KIF26B: variants seen among roughly 807,000 people sequenced by gnomAD.
KIF26B encodes kinesin-like protein KIF26B.
Under a neutral mutation model 151.2 loss-of-function variants are expected in KIF26B, and 63 were observed. The ratio of observed to expected loss-of-function variants is 0.42; its 90% CI spans 0.34 to 0.51. The LOEUF (loss-of-function observed/expected upper bound fraction) is 0.51, where lower values mean the gene tolerates loss of function less well. Among genes scored for constraint, KIF26B ranks in the 20% least tolerant of loss-of-function variants. The pLI, the probability that KIF26B is intolerant of heterozygous loss-of-function variation, is 0.07. For missense variants in KIF26B, 2,813 were observed against 2,913.6 expected (o/e 0.97, Z 0.79); for synonymous variants, 1,357 against 1,262.1 (o/e 1.08, Z -1.59).
intron 5 of KIF26B, among the ~76,000 whole-genome samples, chr1:245,561,757 A>G (rs1007036654): frequency 6.6e-6 from 1 of 152,226 alleles, no homozygotes; most frequent in African/African-American, 2.4e-5. Context: ...GCATCTCTGC[A>G]TGCTTCCTCT....
At chr1:245,178,828 C>G (rs552502134) in intron 2 of KIF26B, among the ~76,000 whole-genome samples, 2 of 152,320 alleles carry the variant, frequency 1.3e-5, no homozygotes, top group East Asian at 3.9e-4. Flanking sequence ...CATGCAGTGT[C>G]TGAGTGGAGG....
chr1:245,309,318 CT>C (rs1436866148), intron 2 of KIF26B, among the ~76,000 whole-genome samples: 3 of 152,210 alleles, frequency 2.0e-5, no homozygotes, highest in African/African-American at 7.2e-5. Flanking sequence ...ATAGCCCTCA[CT>C]GGTGCAGGTG....
At chr1:245,332,651 G>C (rs891661520) in intron 2 of KIF26B, among the ~76,000 whole-genome samples, 1 of 152,136 alleles carries the variant, frequency 6.6e-6, no homozygotes, top group African/African-American at 2.4e-5. Flanking sequence ...CCACAGCCCT[G>C]CTGGTTTTCA....
At chr1:245,496,575 A>G (rs544296777) in intron 4 of KIF26B, among the ~76,000 whole-genome samples, 2 of 152,252 alleles carry the variant, frequency 1.3e-5, no homozygotes, top group African/African-American at 2.4e-5. Context: ...ATAAAAGGGA[A>G]AATAGAATGA....
rs1035914032 is a variant in KIF26B, at chr1:245,708,822, T to G, written c.*6216T>G. On this transcript the variant is annotated 3_prime_UTR_variant, in exon 15 of 15. Coordinates refer to ENST00000407071, the MANE Select transcript of KIF26B (RefSeq NM_018012.4). Reference sequence around the variant, plus strand: ...CTCTAATTCCATGATTAGTAATGTATGTATGTGTATATAAATATGCTTATC... The same window carrying G: ...CTCTAATTCCATGATTAGTAATGTAGGTATGTGTATATAAATATGCTTATC... The G allele has an allele frequency of 7.2e-5, 11 of 152,222 alleles. No individual in the cohort carries two copies. Among genetic ancestry groups the G allele is most frequent in the Admixed American group, 3.9e-4 (6 of 15,288 alleles). The allele number at this position is 152,222 out of a possible 1,614,324, so 9.4% of individuals were successfully genotyped here.
chr1:245,451,740 C>T (rs997599651), intron 4 of KIF26B, among the ~76,000 whole-genome samples: 12 of 151,802 alleles, frequency 7.9e-5, no homozygotes, highest in Non-Finnish European at 1.2e-4. Flanking sequence ...GCTGGGATTA[C>T]AGGCACCCGC....
chr1:245,289,649 C>T lies in KIF26B; in HGVS notation c.466-77185C>T, dbSNP rs148094119. On this transcript the variant is annotated intron_variant, in intron 2 of 14. Transcript: ENST00000407071. ...CTTTCTCATCCATCTGAATTTCTTT[C>T]CTTTTTTGGGGGTGGAGGTGTGTTC... Among the ~76,000 whole-genome samples, 911 of 151,844 alleles carry T rather than the reference C, an allele frequency of 6.0e-3. 11 individuals are homozygous for T. The highest frequency in any genetic ancestry group is 0.021 in the African/African-American group (851 of 41,358).
intron 2 of KIF26B, among the ~76,000 whole-genome samples, chr1:245,159,149 G>C (rs78032262): frequency 0.016 from 2,486 of 152,276 alleles, 64 homozygotes; most frequent in African/African-American, 0.056. Flanking sequence ...TGAAGAGTAA[G>C]AGTCTGGAAG....
At chr1:245,528,776 T>C (rs995738167) in intron 4 of KIF26B, among the ~76,000 whole-genome samples, 1 of 152,206 alleles carries the variant, frequency 6.6e-6, no homozygotes, top group Non-Finnish European at 1.5e-5. Flanking sequence ...ATATGAATGG[T>C]TGCTGTGGCT....
chr1:245,567,928 A>G (rs1028551455), intron 5 of KIF26B, among the ~76,000 whole-genome samples: 2 of 152,102 alleles, frequency 1.3e-5, no homozygotes, highest in Non-Finnish European at 2.9e-5. Flanking sequence ...TCACACCTGT[A>G]ATCCCAGCAC....
chr1:245,695,610 C>T (rs1277534814), intron 12 of KIF26B, among the ~76,000 whole-genome samples: 1 of 152,208 alleles, frequency 6.6e-6, no homozygotes, highest in Admixed American at 6.5e-5. Context: ...ACTCACTTCA[C>T]CTTGAGAGGG....
At chr1:245,546,475 T>C (rs1314586289) in intron 5 of KIF26B, among the ~76,000 whole-genome samples, 1 of 152,204 alleles carries the variant, frequency 6.6e-6, no homozygotes, top group African/African-American at 2.4e-5. Context: ...CCCACCAAGG[T>C]GCAGTTTATT....
chr1:245,571,278 C>T (rs2043064271), intron 5 of KIF26B, among the ~76,000 whole-genome samples: 1 of 152,142 alleles, frequency 6.6e-6, no homozygotes, highest in South Asian at 2.1e-4. Flanking sequence ...ACCGGGGCTC[C>T]CCTCCCAAGC....
chr1:245,301,189 T>C (rs549579151), intron 2 of KIF26B, among the ~76,000 whole-genome samples: 1 of 152,306 alleles, frequency 6.6e-6, no homozygotes, highest in African/African-American at 2.4e-5. Context: ...GGCTCTACTG[T>C]GGTTTCCCTG....
chr1:245,177,934 A>G (rs1002899144), intron 2 of KIF26B, among the ~76,000 whole-genome samples: 14 of 152,202 alleles, frequency 9.2e-5, no homozygotes, highest in African/African-American at 3.4e-4. Context: ...AAAAGGTTAC[A>G]TGAAGATTTG....
chr1:245,400,726 T>G (rs1673978926), intron 3 of KIF26B, among the ~76,000 whole-genome samples: 1 of 152,196 alleles, frequency 6.6e-6, no homozygotes, highest in African/African-American at 2.4e-5. Flanking sequence ...GTTGAAATGA[T>G]AATATTTTGG....
intron 4 of KIF26B, among the ~76,000 whole-genome samples, chr1:245,507,896 C>T (rs542769960): frequency 6.6e-6 from 1 of 152,286 alleles, no homozygotes; most frequent in African/African-American, 2.4e-5. Flanking sequence ...TTCCTATTGG[C>T]ATCTTTCATT....
chr1:245,207,482 G>A (rs1279601695), intron 2 of KIF26B, among the ~76,000 whole-genome samples: 3 of 152,102 alleles, frequency 2.0e-5, no homozygotes. Flanking sequence ...AGCAGACGTG[G>A]GCTCTGTAGA....
In KIF26B at chr1:245,375,611, G is replaced by A. The variant is rs1051963745; in HGVS notation, c.999+8244G>A. ...CTCCAGAAGAAGCCAGCCCTGCAGG[G>A]CCATTTTTGAGTTCTGGTCTCCAGA... is the stretch of plus-strand genomic sequence containing the variant. On this transcript the variant is annotated intron_variant, in intron 3 of 14. Transcript: ENST00000407071. The surrounding 1 kb of genome is among the most constrained non-coding windows in gnomAD (Gnocchi z 4.2). Among the ~76,000 whole-genome samples the A allele has an allele frequency of 6.6e-6, 1 of 152,124 alleles. No individual in the cohort carries two copies. Among genetic ancestry groups the A allele is most frequent in the Admixed American group, 6.5e-5 (1 of 15,278 alleles).
Sources: allele counts gnomAD v4.1 joint callset (sites outside exome capture counted in the v4.1 genomes callset), GRCh38; gene constraint gnomAD v4.1.1; non-coding constraint Gnocchi (gnomAD v3.1); transcripts MANE v1.5; gene names NCBI Gene and HGNC (gene_info 2026-07-23, HGNC 2026-07-21).